CNTN4: variants seen among roughly 807,000 people sequenced by gnomAD.
CNTN4 encodes the protein contactin-4.
CNTN4 carries 77 observed loss-of-function variants against 122.5 expected under a neutral mutation model. The ratio of observed to expected loss-of-function variants is 0.63; its 90% CI spans 0.52 to 0.76. The LOEUF (loss-of-function observed/expected upper bound fraction) is 0.76, where lower values mean the gene tolerates loss of function less well. Among genes scored for constraint, CNTN4 ranks in the 30% least tolerant of loss-of-function variants. The probability of loss-of-function intolerance (pLI) is 0.00; values close to 1 mark genes in which losing one functional copy is unlikely to be tolerated. For synonymous variants in CNTN4, 512 were observed against 447.0 expected (o/e 1.15, Z -1.83); for missense variants, 1,256 against 1,259.1 (o/e 1.00, Z 0.04).
chr3:2,376,811 T>C (rs2045836506), intron 3 of CNTN4, among the ~76,000 whole-genome samples: 1 of 152,144 alleles, frequency 6.6e-6, no homozygotes, highest in Non-Finnish European at 1.5e-5. Context: ...TATCTGTCAA[T>C]GCTCAGTTCT....
intron 4 of CNTN4, among the ~76,000 whole-genome samples, chr3:2,677,815 C>T (rs534443228): frequency 2.0e-5 from 3 of 152,152 alleles, no homozygotes; most frequent in African/African-American, 7.2e-5. Flanking sequence ...TAACAGGTTT[C>T]CTGCAATGCA....
At chr3:2,253,874 G>T (rs2040471213) in intron 2 of CNTN4, among the ~76,000 whole-genome samples, 1 of 4,564 alleles carries the variant, frequency 2.2e-4, no homozygotes, top group African/African-American at 3.1e-4. Flanking sequence ...ATTGCTTTCT[G>T]ATTTTTTTTT....
rs563909069 is a variant in CNTN4, at chr3:2,308,210, T to A, written c.-144-30968T>A. 2.2e-3 allele frequency among the ~76,000 whole-genome samples: 328 copies of A among 152,192 alleles called. 1 individual carries two copies. The highest frequency in any genetic ancestry group is 3.5e-3 in the Non-Finnish European group (240 of 67,950). On this transcript the variant is annotated intron_variant, in intron 2 of 24. Transcript: ENST00000418658. ...AACGTAGTGGTTTATAGTAATTGCC[T>A]TATAATCCTTTTTATTAAAATATCT...
intron 4 of CNTN4, among the ~76,000 whole-genome samples, chr3:2,600,853 C>G: frequency 6.6e-6 from 1 of 152,232 alleles, no homozygotes; most frequent in Non-Finnish European, 1.5e-5. Context: ...CACATCCTCT[C>G]CAGCACCTGT....
chr3:2,978,585 A>G (rs1336115710), intron 13 of CNTN4, among the ~76,000 whole-genome samples: 1 of 152,196 alleles, frequency 6.6e-6, no homozygotes, highest in Non-Finnish European at 1.5e-5. Context: ...TACAATTATT[A>G]GATTGTTATT....
rs72401999 is a variant in CNTN4 at position 2,234,370 on chromosome 3, C to CAA, written c.-144-104788_-144-104787dup. ...TCCAGCCGGGGCAACAAGTCCATCT[C>CAA]AAAAAAAAAAAAAAAAAAAAAGAGG... is the stretch of plus-strand genomic sequence containing the variant. On this transcript the variant is annotated intron_variant, in intron 2 of 24. Coordinates refer to ENST00000418658, the MANE Select transcript of CNTN4 (RefSeq NM_175607.3). 2.2e-3 allele frequency among the ~76,000 whole-genome samples: 209 copies of CAA among 94,672 alleles called. 5 individuals carry two copies. The East Asian group carries it at 0.028, about 13-fold the overall frequency. The allele number at this position is 94,672 out of a possible 152,430, so 62.1% of individuals were successfully genotyped here. A position where few individuals can be genotyped will look rare whatever the true frequency, so the allele number is the denominator to read the frequency against.
At chr3:2,696,114 G>A (rs1016879523) in intron 4 of CNTN4, among the ~76,000 whole-genome samples, 6 of 152,168 alleles carry the variant, frequency 3.9e-5, no homozygotes, top group South Asian at 2.1e-4. Flanking sequence ...CAATTCTCTT[G>A]TTAGAAATTA....
Position 2,857,712 on chromosome 3 carries a change from G to C in CNTN4, c.455-9040G>C, listed in dbSNP as rs778906780. Reference sequence around the variant, plus strand: ...CCCACCTCAGCCTCTCCAGACTCCTGAGTAGCTGCGACTACAGGTGTGAAC... The same window carrying C: ...CCCACCTCAGCCTCTCCAGACTCCTCAGTAGCTGCGACTACAGGTGTGAAC... On this transcript the variant is annotated intron_variant, in intron 7 of 24. Transcript: ENST00000418658. 2.0e-5 allele frequency among the ~76,000 whole-genome samples: 3 copies of C among 152,156 alleles called. No homozygotes were observed. The East Asian group carries it at 5.8e-4, about 29-fold the overall frequency.
chr3:2,936,779 A>T (rs1327971020), intron 13 of CNTN4, among the ~76,000 whole-genome samples: 1 of 152,188 alleles, frequency 6.6e-6, no homozygotes, highest in Non-Finnish European at 1.5e-5. Flanking sequence ...GAATGGTTTT[A>T]CATTTTTAAA....
intron 4 of CNTN4, among the ~76,000 whole-genome samples, chr3:2,683,034 T>G (rs2085245212): frequency 6.6e-6 from 1 of 152,146 alleles, no homozygotes; most frequent in Non-Finnish European, 1.5e-5. Flanking sequence ...CTTGTCACTT[T>G]CCTGTGTGGA....
At chr3:2,240,691 AT>A (rs202001003) in intron 2 of CNTN4, among the ~76,000 whole-genome samples, 4,352 of 152,250 alleles carry the variant, frequency 0.029, 204 homozygotes, top group African/African-American at 0.099. Context: ...TAACTCATGT[AT>A]GAAAATGGTA....
chr3:2,506,780 G>C (rs944120208), intron 3 of CNTN4, among the ~76,000 whole-genome samples: 2 of 152,154 alleles, frequency 1.3e-5, no homozygotes, highest in African/African-American at 4.8e-5. Context: ...CTTTGCCTAT[G>C]AGTTGTGTGC....
chr3:2,705,229 G>A (rs557741210), intron 4 of CNTN4, among the ~76,000 whole-genome samples: 83 of 149,346 alleles, frequency 5.6e-4, no homozygotes, highest in African/African-American at 1.7e-3. Flanking sequence ...TTAGCTGGGC[G>A]TAGTGGCGGG....
At chr3:2,708,727 T>TCACACACACACACACA (rs10530575) in intron 4 of CNTN4, among the ~76,000 whole-genome samples, 3 of 150,894 alleles carry the variant, frequency 2.0e-5, no homozygotes, top group African/African-American at 4.9e-5. Flanking sequence ...CACGCGCGCA[T>TCACACACACACACACA]CACACACACA....
chr3:2,920,867 C>T (rs368475562), intron 12 of CNTN4, among the ~76,000 whole-genome samples: 3 of 152,056 alleles, frequency 2.0e-5, no homozygotes, highest in Non-Finnish European at 4.4e-5. Flanking sequence ...GTGGAAGAAG[C>T]ATTATTAGAG....
intron 1 of CNTN4, 118 bp from the exon 2 acceptor site, chr3:2,100,440 A>G (rs1229748135): frequency 6.6e-6 from 1 of 152,096 alleles, no homozygotes; most frequent in African/African-American, 2.4e-5. Context: ...TATGTCCTTT[A>G]GAGAGTGGGG....
intron 6 of CNTN4, among the ~76,000 whole-genome samples, chr3:2,762,970 C>G (rs2090660416): frequency 8.1e-6 from 1 of 123,700 alleles, no homozygotes. Context: ...TAGACTGAGT[C>G]TCGCTGTGTC....
chr3:2,148,927 C>T (rs1036355599), intron 2 of CNTN4, among the ~76,000 whole-genome samples: 1 of 143,522 alleles, frequency 7.0e-6, no homozygotes, highest in African/African-American at 2.7e-5. Flanking sequence ...ACATTACATC[C>T]CCTTACTACC....
chr3:2,481,061 C>CTTTCTTTCTTTCTTTCTTTCTT (rs773311259), intron 3 of CNTN4, among the ~76,000 whole-genome samples: 1 of 110,902 alleles, frequency 9.0e-6, no homozygotes, highest in East Asian at 2.9e-4. Context: ...TTCTTTCTTT[C>CTTTCTTTCTTTCTTTCTTTCTT]TCTCTTTCTC....
Sources: gnomAD v4.1 joint callset for allele counts (sites outside exome capture counted in the v4.1 genomes callset) on GRCh38, gnomAD v4.1.1 for gene constraint, MANE v1.5 for transcripts, NCBI Gene and HGNC (gene_info 2026-07-23, HGNC 2026-07-21) for gene names.